TTBK2: variants seen among roughly 807,000 people sequenced by gnomAD.
The protein encoded by TTBK2 is tau-tubulin kinase 2.
A neutral mutation model predicts 110.8 loss-of-function variants in TTBK2; 28 were observed. That is an observed-to-expected ratio of 0.25 (90% confidence interval 0.19 to 0.35). The LOEUF (loss-of-function observed/expected upper bound fraction) is 0.35, where lower values mean the gene tolerates loss of function less well. TTBK2 is among the 10% of genes least tolerant of loss of function. TTBK2 has a pLI of 1.00. For missense variants in TTBK2, 1,369 were observed against 1,500.3 expected (o/e 0.91, Z 1.45); for synonymous variants, 532 against 527.3 (o/e 1.01, Z -0.12).
chr15:42,783,743 T>TC, intron 10 of TTBK2, 108 bp from the exon 11 acceptor site: 2 of 772,402 alleles, frequency 2.6e-6, no homozygotes, highest in South Asian at 3.4e-5. Context: ...ATTAAGAGAG[T>TC]TAAAAAAAAA....
intron 1 of TTBK2, among the ~76,000 whole-genome samples, chr15:42,890,286 A>G (rs1895405587): frequency 6.6e-6 from 1 of 152,208 alleles, no homozygotes; most frequent in Non-Finnish European, 1.5e-5. Context: ...ACCTGCACCC[A>G]GGTGAAATAA....
intron 7 of TTBK2, among the ~76,000 whole-genome samples, chr15:42,815,958 A>AAAATATATATATATATATATATATAT (rs71108183): frequency 3.3e-5 from 3 of 91,716 alleles, no homozygotes; most frequent in African/African-American, 1.9e-4. Flanking sequence ...TTAAAAAAAA[A>AAAATATATATATATATATATATATAT]ATATATATAT....
intron 9 of TTBK2, chr15:42,802,492 T>C: frequency 3.6e-6 from 2 of 553,800 alleles, no homozygotes; most frequent in Admixed American, 5.4e-5. Flanking sequence ...TTTACTTCTC[T>C]GCTCTTCTTG....
chr15:42,827,200 A>G (rs2140977918), intron 6 of TTBK2, among the ~76,000 whole-genome samples: 1 of 152,306 alleles, frequency 6.6e-6, no homozygotes, highest in African/African-American at 2.4e-5. Context: ...GCAACAGCAG[A>G]GTCTTAATAC....
chr15:42,836,945 T>TG (rs1376738619), intron 4 of TTBK2, among the ~76,000 whole-genome samples: 2 of 152,088 alleles, frequency 1.3e-5, no homozygotes, highest in Non-Finnish European at 2.9e-5. Flanking sequence ...CTCCTCCCCA[T>TG]GGGGGTATAA....
intron 1 of TTBK2, among the ~76,000 whole-genome samples, chr15:42,911,616 T>G (rs1173903543): frequency 6.6e-6 from 1 of 152,116 alleles, no homozygotes; most frequent in African/African-American, 2.4e-5. Context: ...GAGAAGAAAC[T>G]CAAGCTAGCC....
At position 42,855,710 on chromosome 15, in the gene TTBK2, G is replaced by A. The variant is rs141084416; in HGVS notation, c.218-15277C>T. On this transcript the variant is annotated intron_variant, in intron 3 of 14. Coordinates refer to ENST00000267890, the MANE Select transcript of TTBK2 (RefSeq NM_173500.4). ...TATATTGATTTATTTATTTAGAGAC[G>A]GAGTCTTGCTGTCGCCCAGGCTGGA... 1.8e-3 allele frequency among the ~76,000 whole-genome samples: 268 copies of A among 152,072 alleles called. 4 individuals carry two copies. Among genetic ancestry groups the A allele is most frequent in the South Asian group, 7.9e-3 (38 of 4,802 alleles).
At chr15:42,772,116 C>T (rs777102488) in intron 13 of TTBK2, among the ~76,000 whole-genome samples, 8 of 151,948 alleles carry the variant, frequency 5.3e-5, no homozygotes, top group East Asian at 1.9e-4. Context: ...TATTGTACAG[C>T]GTTGGTCTTT....
chr15:42,746,147 C>G lies in TTBK2; in HGVS notation c.3383G>C (p.Cys1128Ser), dbSNP rs766523622. The change falls in exon 15 of 15, where the codon TGC becomes TCC. Residue 1128 changes from cysteine (C) to serine (S), a missense_variant. This residue lies in a region of TTBK2 where 1,097 missense variants were observed against 1,114.7 expected (regional missense o/e 0.98). Transcript: ENST00000267890. ...GSQKPRSTTQ[C>S]KSPGSPHNPK... is the part of the protein sequence containing the mutation. Reference sequence around the variant, plus strand: ...ATTGTGAGGAGATCCTGGACTCTTGCACTGAGTAGTGCTCCGGGGTTTCTG... The same window carrying G: ...ATTGTGAGGAGATCCTGGACTCTTGGACTGAGTAGTGCTCCGGGGTTTCTG... 1 of 1,614,158 alleles carries G rather than the reference C, an allele frequency of 6.2e-7. No homozygotes were observed. The highest frequency in any genetic ancestry group is 1.1e-5 in the South Asian group (1 of 91,066).
chr15:42,872,169 A>G (rs1395597727), intron 3 of TTBK2, among the ~76,000 whole-genome samples: 1 of 152,222 alleles, frequency 6.6e-6, no homozygotes, highest in African/African-American at 2.4e-5. Context: ...ATCAACATAT[A>G]ATCAACAGTA....
chr15:42,888,082 A>T (rs1172191886), intron 1 of TTBK2, among the ~76,000 whole-genome samples: 1 of 152,068 alleles, frequency 6.6e-6, no homozygotes, highest in African/African-American at 2.4e-5. Flanking sequence ...TGTCCAAACA[A>T]CTTGACCTTA....
At chr15:42,851,922 G>A (rs1893732102) in intron 3 of TTBK2, among the ~76,000 whole-genome samples, 1 of 152,030 alleles carries the variant, frequency 6.6e-6, no homozygotes. Context: ...TGGAGGAAGG[G>A]TTTATGCACG....
intron 3 of TTBK2, among the ~76,000 whole-genome samples, chr15:42,849,721 A>C (rs551711379): frequency 6.6e-6 from 1 of 152,270 alleles, no homozygotes; most frequent in South Asian, 2.1e-4. Context: ...AATGTGTTCC[A>C]TAAGTACCCC....
intron 5 of TTBK2, 66 bp downstream of exon 5, chr15:42,829,872 T>C (rs950445775): frequency 2.5e-5 from 39 of 1,579,874 alleles, no homozygotes; most frequent in Non-Finnish European, 3.3e-5. Context: ...TTGTAATTTA[T>C]TGTGTCCCAT....
chr15:42,850,311 T>G (rs1201621104), intron 3 of TTBK2, among the ~76,000 whole-genome samples: 1 of 152,220 alleles, frequency 6.6e-6, no homozygotes, highest in Non-Finnish European at 1.5e-5. Context: ...GCATTTTCTG[T>G]CCATGTCAAT....
intron 9 of TTBK2, chr15:42,800,981 G>A: frequency 2.6e-6 from 2 of 758,916 alleles, no homozygotes; most frequent in Non-Finnish European, 4.8e-6. Flanking sequence ...GCAGGACGTT[G>A]GAGGACTCAG....
intron 13 of TTBK2, among the ~76,000 whole-genome samples, chr15:42,771,155 A>C (rs1223828882): frequency 6.6e-6 from 1 of 151,658 alleles, no homozygotes; most frequent in Non-Finnish European, 1.5e-5. Flanking sequence ...TTGTATTTTT[A>C]GTAGAGATGG....
At chr15:42,793,235 G>C (rs1228110074) in intron 10 of TTBK2, among the ~76,000 whole-genome samples, 1 of 152,174 alleles carries the variant, frequency 6.6e-6, no homozygotes, top group African/African-American at 2.4e-5. Context: ...CCCAGGAATA[G>C]GCGTTTTTTA....
Position 42,777,234 on chromosome 15 carries a change from A to G in TTBK2, c.1206T>C (p.Thr402=). 6.2e-7 allele frequency: 1 copy of G among 1,614,164 alleles called. No homozygotes were observed. Residue 402 remains threonine, a synonymous_variant, in exon 12 of 15, where the codon ACT becomes ACC. Coordinates refer to ENST00000267890, the MANE Select transcript of TTBK2 (RefSeq NM_173500.4). ...KIKLGICKAA[T]EEENSHGQAN... is the part of the protein sequence containing the mutation. ...CCTGGCCATGGCTGTTCTCCTCTTC[A>G]GTAGCAGCCTATCCAAAATATAAAA...
Sources: allele counts gnomAD v4.1 joint callset (sites outside exome capture counted in the v4.1 genomes callset), GRCh38; gene constraint gnomAD v4.1.1; regional missense constraint gnomAD v4.1.1; transcripts MANE v1.5; gene names NCBI Gene and HGNC (gene_info 2026-07-23, HGNC 2026-07-21).